Variants in SLC10A7 observed in about 807,000 individuals in gnomAD.
SLC10A7 encodes sodium/bile acid cotransporter 7.
In SLC10A7, 29 loss-of-function variants were observed where a neutral mutation model predicts 43.2. That is an observed-to-expected ratio of 0.67 (90% CI 0.50 to 0.92). The LOEUF (loss-of-function observed/expected upper bound fraction) is 0.92. Ranked by LOEUF, SLC10A7 falls within the 40% of genes least tolerant of loss-of-function variation. SLC10A7 has a pLI of 0.00. For missense variants in SLC10A7, 295 were observed against 403.2 expected (o/e 0.73, Z 2.30); for synonymous variants, 152 against 144.8 (o/e 1.05, Z -0.35).
At chr4:146,420,869 T>A (rs1431313132) in intron 5 of SLC10A7, among the ~76,000 whole-genome samples, 1 of 151,892 alleles carries the variant, frequency 6.6e-6, no homozygotes, top group Non-Finnish European at 1.5e-5. Context: ...TACACAAAAA[T>A]TTTTAAAATT....
intron 5 of SLC10A7, among the ~76,000 whole-genome samples, chr4:146,411,822 G>A (rs72729863): frequency 0.054 from 8,277 of 152,204 alleles, 273 homozygotes; most frequent in Middle Eastern, 0.092. Flanking sequence ...ATATAGAGAT[G>A]TAAGTCATGC....
At chr4:146,293,009 A>C in intron 8 of SLC10A7, 29 bp from the exon 9 acceptor site, 1 of 1,430,364 alleles carries the variant, frequency 7.0e-7, no homozygotes, top group South Asian at 1.2e-5. Context: ...AATCTAAATT[A>C]GCACTCTAAA....
intron 6 of SLC10A7, among the ~76,000 whole-genome samples, chr4:146,323,100 G>T (rs886758339): frequency 6.6e-6 from 1 of 152,152 alleles, no homozygotes; most frequent in South Asian, 2.1e-4. Flanking sequence ...TGAGTTCCTT[G>T]TAGATTCTGG....
chr4:146,492,013 T>C (rs1735496088), intron 4 of SLC10A7, among the ~76,000 whole-genome samples: 1 of 151,942 alleles, frequency 6.6e-6, no homozygotes, highest in Non-Finnish European at 1.5e-5. Flanking sequence ...GTTAGGAGAT[T>C]GAGACCATCC....
chr4:146,400,657 C>T (rs1739165906), intron 5 of SLC10A7, among the ~76,000 whole-genome samples: 1 of 152,140 alleles, frequency 6.6e-6, no homozygotes, highest in African/African-American at 2.4e-5. Flanking sequence ...GCAGAACCTT[C>T]ATCTGAGACT....
chr4:146,283,346 T>C (rs1729672463), intron 9 of SLC10A7, 81 bp from the exon 10 acceptor site: 1 of 1,039,072 alleles, frequency 9.6e-7, no homozygotes, highest in East Asian at 2.5e-5. Flanking sequence ...AGTACCTACC[T>C]TTATGTTAAC....
chr4:146,316,824 C>T (rs1344011380), intron 6 of SLC10A7, among the ~76,000 whole-genome samples: 3 of 152,096 alleles, frequency 2.0e-5, no homozygotes, highest in Non-Finnish European at 2.9e-5. Context: ...TGGCCAGCTG[C>T]TGCATTTCAG....
At chr4:146,432,463 A>G (rs967487196) in intron 5 of SLC10A7, among the ~76,000 whole-genome samples, 1 of 152,176 alleles carries the variant, frequency 6.6e-6, no homozygotes, top group Non-Finnish European at 1.5e-5. Context: ...ATGAATCACA[A>G]AAGTGTATTC....
chr4:146,439,924 T>C (rs1363981014), intron 5 of SLC10A7, among the ~76,000 whole-genome samples: 1 of 152,176 alleles, frequency 6.6e-6, no homozygotes, highest in African/African-American at 2.4e-5. Flanking sequence ...GTTTACAATT[T>C]GGAATTTCAC....
At chr4:146,373,360 G>C (rs1261033693) in intron 5 of SLC10A7, among the ~76,000 whole-genome samples, 1 of 151,780 alleles carries the variant, frequency 6.6e-6, no homozygotes, top group Non-Finnish European at 1.5e-5. Flanking sequence ...TGTAGTCCCA[G>C]CTACTCAAGT....
At chr4:146,482,997 T>A (rs1049522695) in intron 4 of SLC10A7, among the ~76,000 whole-genome samples, 2 of 152,008 alleles carry the variant, frequency 1.3e-5, no homozygotes, top group African/African-American at 2.4e-5. Flanking sequence ...CCCAAAGCTG[T>A]CTTTTCAGAA....
intron 7 of SLC10A7, among the ~76,000 whole-genome samples, chr4:146,300,470 C>A (rs1167876594): frequency 2.0e-5 from 3 of 152,204 alleles, no homozygotes; most frequent in Admixed American, 2.0e-4. Flanking sequence ...GCAGAGACGA[C>A]CTTGTGAGGT....
intron 5 of SLC10A7, among the ~76,000 whole-genome samples, chr4:146,431,473 T>C (rs1467017442): frequency 6.6e-6 from 1 of 152,078 alleles, no homozygotes; most frequent in Non-Finnish European, 1.5e-5. Context: ...AAAATACACA[T>C]GAATTTTTAC....
At chr4:146,328,197 C>A (rs1277671514) in intron 5 of SLC10A7, among the ~76,000 whole-genome samples, 1 of 151,824 alleles carries the variant, frequency 6.6e-6, no homozygotes, top group African/African-American at 2.4e-5. Context: ...GTCTGAGAAC[C>A]TGGGGATTAA....
intron 5 of SLC10A7, among the ~76,000 whole-genome samples, chr4:146,383,207 T>TATTTACAAAATATTTACAAAAA: frequency 6.6e-6 from 1 of 152,152 alleles, no homozygotes; most frequent in Non-Finnish European, 1.5e-5. Flanking sequence ...TACAAAATGA[T>TATTTACAAAATATTTACAAAAA]TATTTTGATT....
At chr4:146,303,065 C>A (rs1731265398) in intron 7 of SLC10A7, among the ~76,000 whole-genome samples, 1 of 152,096 alleles carries the variant, frequency 6.6e-6, no homozygotes, top group Admixed American at 6.5e-5. Flanking sequence ...TCACAGCCCT[C>A]ATGGAGGGTA....
chr4:146,319,387 T>C (rs186672150), intron 6 of SLC10A7, among the ~76,000 whole-genome samples: 181 of 152,194 alleles, frequency 1.2e-3, no homozygotes, highest in African/African-American at 3.9e-3. Context: ...ATTTTCTCAG[T>C]GAATCTGAAC....
At chr4:146,477,043 T>C (rs911992418) in intron 4 of SLC10A7, among the ~76,000 whole-genome samples, 2 of 152,186 alleles carry the variant, frequency 1.3e-5, no homozygotes, top group African/African-American at 4.8e-5. Flanking sequence ...AAGATATAAA[T>C]CAATTAATCC....
chr4:146,399,129 C>A (rs1182673330), intron 5 of SLC10A7, among the ~76,000 whole-genome samples: 1 of 152,116 alleles, frequency 6.6e-6, no homozygotes, highest in East Asian at 1.9e-4. Flanking sequence ...ACAAGAGGAG[C>A]AAATCTAGTG....
Sources: gnomAD v4.1 joint callset for allele counts (sites outside exome capture counted in the v4.1 genomes callset) on GRCh38, gnomAD v4.1.1 for gene constraint, MANE v1.5 for transcripts, NCBI Gene and HGNC (gene_info 2026-07-23, HGNC 2026-07-21) for gene names.